The following NCKAP5 variants were observed in gnomAD, a reference collection of about 807,000 sequenced individuals.
NCKAP5 encodes nck-associated protein 5.
A neutral mutation model predicts 167.0 loss-of-function variants in NCKAP5; 92 were observed. The observed-to-expected ratio is 0.55, with a 90% CI of 0.47 to 0.66. NCKAP5 has a LOEUF of 0.66. NCKAP5 is among the 30% of genes least tolerant of loss of function. The pLI is 0.00. For missense variants in NCKAP5, 2,378 were observed against 2,315.0 expected (o/e 1.03, Z -0.56); for synonymous variants, 891 against 877.4 (o/e 1.02, Z -0.27).
chr2:133,615,691 C>T, the NCKAP5 span, among the ~76,000 whole-genome samples: 1 of 152,142 alleles, frequency 6.6e-6, no homozygotes, highest in Non-Finnish European at 1.5e-5. Flanking sequence ...GACCCCCACA[C>T]ATTAATAATG....
chr2:132,716,796 A>G (rs1689414517), intron 19 of NCKAP5, among the ~76,000 whole-genome samples: 1 of 152,118 alleles, frequency 6.6e-6, no homozygotes, highest in African/African-American at 2.4e-5. Flanking sequence ...CCATCATGAC[A>G]TTTGCTTTCT....
chr2:132,791,269 C>A (rs1017195324), intron 12 of NCKAP5, among the ~76,000 whole-genome samples: 3 of 152,196 alleles, frequency 2.0e-5, no homozygotes, highest in African/African-American at 4.8e-5. Flanking sequence ...GTATAATGAG[C>A]CTCCACTGTA....
rs546668782 is a variant in NCKAP5 at position 132,921,823 on chromosome 2, C to T, written c.579+41897G>A. On this transcript the variant is annotated intron_variant, in intron 8 of 19. Coordinates refer to ENST00000409261, the MANE Select transcript of NCKAP5 (RefSeq NM_207363.3). ...CAATACAGCACCTCCACTCCTCCTGCTTTCCAGGTGGGAATGTAATGCAGG... is the reference window on the plus strand; with the variant it reads ...CAATACAGCACCTCCACTCCTCCTGTTTTCCAGGTGGGAATGTAATGCAGG... 2.0e-5 allele frequency among the ~76,000 whole-genome samples: 3 copies of T among 152,318 alleles called. No homozygotes were observed. The East Asian group carries it at 5.8e-4, about 29-fold the overall frequency.
intron 5 of NCKAP5, among the ~76,000 whole-genome samples, chr2:133,135,876 T>C (rs2082770962): frequency 6.6e-6 from 1 of 152,164 alleles, no homozygotes; most frequent in South Asian, 2.1e-4. Context: ...TAACTAAAAT[T>C]GTACAGCTTA....
chr2:133,481,839 G>C (rs1047663504), intron 3 of NCKAP5, among the ~76,000 whole-genome samples: 1 of 152,056 alleles, frequency 6.6e-6, no homozygotes, highest in African/African-American at 2.4e-5. Flanking sequence ...TATCAATGAT[G>C]GTCATTTAGG....
chr2:132,984,759 A>C (rs6704839), intron 7 of NCKAP5, among the ~76,000 whole-genome samples: 3 of 151,398 alleles, frequency 2.0e-5, no homozygotes, highest in African/African-American at 7.3e-5. Context: ...AGCATTAATA[A>C]GCCAAGTTCT....
the NCKAP5 span, among the ~76,000 whole-genome samples, chr2:133,654,467 T>A: frequency 1.3e-5 from 2 of 152,190 alleles, no homozygotes; most frequent in African/African-American, 4.8e-5. Context: ...GAAGTTCCTA[T>A]TCCCAACCTC....
intron 3 of NCKAP5, among the ~76,000 whole-genome samples, chr2:133,481,901 C>T (rs1370551537): frequency 3.3e-5 from 5 of 152,088 alleles, no homozygotes; most frequent in African/African-American, 7.2e-5. Context: ...AGTAACACTA[C>T]TCTGCTATCA....
chr2:133,066,864 T>C (rs16846796), intron 6 of NCKAP5, among the ~76,000 whole-genome samples: 2,020 of 152,282 alleles, frequency 0.013, 44 homozygotes, highest in African/African-American at 0.046. Flanking sequence ...GTGGCATCTA[T>C]ATTTCCTCCA....
intron 3 of NCKAP5, among the ~76,000 whole-genome samples, chr2:133,510,807 A>C (rs115636629): frequency 0.012 from 1,851 of 152,340 alleles, 52 homozygotes; most frequent in African/African-American, 0.042. Context: ...CCTAAAGTGA[A>C]ATCCCAACTC....
At chr2:133,003,866 G>A (rs2077869873) in intron 6 of NCKAP5, among the ~76,000 whole-genome samples, 1 of 152,170 alleles carries the variant, frequency 6.6e-6, no homozygotes, top group African/African-American at 2.4e-5. Context: ...TATGTGAAGA[G>A]AAAGTGACAT....
intron 4 of NCKAP5, among the ~76,000 whole-genome samples, chr2:133,290,864 C>T (rs1679546068): frequency 6.6e-6 from 1 of 151,718 alleles, no homozygotes; most frequent in Admixed American, 6.6e-5. Flanking sequence ...AACCATACTC[C>T]CACCTCAGCC....
At chr2:133,189,246 T>G (rs2085093950) in intron 5 of NCKAP5, among the ~76,000 whole-genome samples, 1 of 152,096 alleles carries the variant, frequency 6.6e-6, no homozygotes, top group African/African-American at 2.4e-5. Context: ...AGAAGTTGAA[T>G]CTCTGAATAG....
intron 5 of NCKAP5, among the ~76,000 whole-genome samples, chr2:133,141,422 A>C (rs956369333): frequency 2.6e-5 from 4 of 151,794 alleles, no homozygotes; most frequent in Non-Finnish European, 4.4e-5. Context: ...AAAAAAAAAA[A>C]CACAACTCTA....
intron 3 of NCKAP5, among the ~76,000 whole-genome samples, chr2:133,495,740 C>T (rs1681887180): frequency 6.6e-6 from 1 of 152,184 alleles, no homozygotes; most frequent in Non-Finnish European, 1.5e-5. Context: ...AATAAACCTG[C>T]TAACTCATCT....
intron 3 of NCKAP5, among the ~76,000 whole-genome samples, chr2:133,480,782 T>C (rs771945232): frequency 2.0e-5 from 3 of 152,158 alleles, no homozygotes; most frequent in Non-Finnish European, 4.4e-5. Context: ...ATGAACTGCG[T>C]GTTCCAAGCT....
At chr2:133,254,183 A>G (rs889955051) in intron 4 of NCKAP5, among the ~76,000 whole-genome samples, 9 of 152,180 alleles carry the variant, frequency 5.9e-5, no homozygotes, top group Admixed American at 3.9e-4. Context: ...TGTGATCTAT[A>G]GAACATGAGA....
At chr2:133,497,909 A>G (rs1003669622) in intron 3 of NCKAP5, among the ~76,000 whole-genome samples, 20 of 152,190 alleles carry the variant, frequency 1.3e-4, no homozygotes, top group African/African-American at 4.8e-4. Flanking sequence ...CAAAGATAGA[A>G]AGAACCCCAG....
chr2:132,867,639 T>A (rs985473035), intron 10 of NCKAP5, among the ~76,000 whole-genome samples: 12 of 152,170 alleles, frequency 7.9e-5, no homozygotes, highest in Non-Finnish European at 8.8e-5. Flanking sequence ...GTGGATGTGA[T>A]GACTGGAGCT....
Sources: allele counts gnomAD v4.1 joint callset (sites outside exome capture counted in the v4.1 genomes callset), GRCh38; gene constraint gnomAD v4.1.1; transcripts MANE v1.5; gene names NCBI Gene and HGNC (gene_info 2026-07-23, HGNC 2026-07-21).